DISC1: variants seen among roughly 807,000 people sequenced by gnomAD.
DISC1 encodes disrupted in schizophrenia 1 protein.
DISC1 carries 57 observed loss-of-function variants against 84.5 expected under a neutral mutation model. That is an observed-to-expected ratio of 0.67 (90% CI 0.55 to 0.84). DISC1 has a LOEUF of 0.84. Among genes scored for constraint, DISC1 ranks in the 40% least tolerant of loss-of-function variants. The pLI, the probability that DISC1 is intolerant of heterozygous loss-of-function variation, is 0.00. For synonymous variants in DISC1, 411 were observed against 415.2 expected (o/e 0.99, Z 0.12); for missense variants, 1,000 against 1,057.8 (o/e 0.95, Z 0.76).
chr1:231,807,400 T>C (rs2079823845), intron 8 of DISC1, among the ~76,000 whole-genome samples: 1 of 152,222 alleles, frequency 6.6e-6, no homozygotes, highest in African/African-American at 2.4e-5. Context: ...TACCCCTCAT[T>C]ATTGATCTGG....
At chr1:231,817,682 A>G (rs1038856150) in intron 8 of DISC1, among the ~76,000 whole-genome samples, 8 of 152,100 alleles carry the variant, frequency 5.3e-5, no homozygotes, top group African/African-American at 1.7e-4. Context: ...ATCATCTTCT[A>G]GTTTTTTGTT....
chr1:231,996,132 A>G (rs1354493727), intron 10 of DISC1, among the ~76,000 whole-genome samples: 2 of 152,182 alleles, frequency 1.3e-5, no homozygotes, highest in African/African-American at 2.4e-5. Flanking sequence ...GGCTGCATAA[A>G]TGTCTTCTTT....
chr1:231,847,868 C>T (rs2083574428), intron 9 of DISC1, among the ~76,000 whole-genome samples: 1 of 152,158 alleles, frequency 6.6e-6, no homozygotes, highest in African/African-American at 2.4e-5. Flanking sequence ...ATCTTGTCAC[C>T]AATGTCCCCA....
At chr1:231,883,147 A>T (rs2086415118) in intron 9 of DISC1, among the ~76,000 whole-genome samples, 1 of 152,170 alleles carries the variant, frequency 6.6e-6, no homozygotes, top group Non-Finnish European at 1.5e-5. Flanking sequence ...GCTGAGATTA[A>T]TAAGAGGAAT....
Position 231,990,280 on chromosome 1 carries a change from A to G in DISC1, c.2043-18505A>G, listed in dbSNP as rs1217620077. Among the ~76,000 whole-genome samples, 3 of 152,090 alleles carry G rather than the reference A, an allele frequency of 2.0e-5. No homozygotes were observed. The East Asian group carries it at 5.8e-4, about 29-fold the overall frequency. On this transcript the variant is annotated intron_variant, in intron 10 of 12. Transcript: ENST00000439617. Reference sequence around the variant, plus strand: ...CCTGACACCCTGTTATAGATCAGAGAGTCCTGGCCACCACTAAAGGTCTTG... The same window carrying G: ...CCTGACACCCTGTTATAGATCAGAGGGTCCTGGCCACCACTAAAGGTCTTG...
In DISC1 at chr1:231,762,213, CTCTTCTTTTCTTTTCTTTTCTTTTCTT is replaced by C. The variant is rs2075763233; in HGVS notation, c.1269-4925_1269-4899del. ...TCTTTCTTTTCTTTTCTTTTCTTTT[CTCTTCTTTTCTTTTCTTTTCTTTTCTT>C]TTCTTTTCTTTTCTTTATTTTCTTT... On this transcript the variant is annotated intron_variant, in intron 4 of 12. Coordinates refer to ENST00000439617, the MANE Select transcript of DISC1 (RefSeq NM_018662.3). 3.9e-4 allele frequency among the ~76,000 whole-genome samples: 38 copies of C among 96,476 alleles called. No homozygotes were observed. The East Asian group carries it at 4.0e-3, about 10-fold the overall frequency. The allele number at this position is 96,476 out of a possible 152,430, so 63.3% of individuals were successfully genotyped here. A position where few individuals can be genotyped will look rare whatever the true frequency, so the allele number is the denominator to read the frequency against.
intron 4 of DISC1, 67 bp from the exon 5 acceptor site, chr1:231,767,062 TCTTACTCTTAA>T: frequency 6.3e-7 from 1 of 1,587,074 alleles, no homozygotes; most frequent in South Asian, 1.1e-5. Flanking sequence ...TGCTGGAGTT[TCTTACTCTTAA>T]AATACTTGTC....
chr1:231,950,129 A>G (rs1446925770), intron 9 of DISC1, among the ~76,000 whole-genome samples: 1 of 152,046 alleles, frequency 6.6e-6, no homozygotes, highest in Non-Finnish European at 1.5e-5. Context: ...GTTTAAGAAG[A>G]TAGTATTCCA....
intron 9 of DISC1, among the ~76,000 whole-genome samples, chr1:231,907,331 A>G (rs1363478883): frequency 6.9e-6 from 1 of 143,902 alleles, no homozygotes. Context: ...CCCACCCCAC[A>G]ACAGGCCCCA....
intron 1 of DISC1, among the ~76,000 whole-genome samples, chr1:231,638,780 C>A (rs1052051379): frequency 6.6e-6 from 1 of 151,782 alleles, no homozygotes; most frequent in African/African-American, 2.4e-5. Flanking sequence ...AGTAAAATAC[C>A]CTTTTTAAAA....
chr1:231,872,194 T>A (rs183448291), intron 9 of DISC1, among the ~76,000 whole-genome samples: 42 of 152,366 alleles, frequency 2.8e-4, no homozygotes, highest in African/African-American at 1.0e-3. Context: ...TAGTACTTGA[T>A]CACTTACCCT....
intron 9 of DISC1, among the ~76,000 whole-genome samples, chr1:231,933,280 A>C (rs906316531): frequency 1.3e-5 from 2 of 152,216 alleles, no homozygotes; most frequent in Non-Finnish European, 2.9e-5. Context: ...GCTATGCTAG[A>C]TTAACTTCAG....
chr1:231,790,253 A>G (rs2078229473), intron 6 of DISC1, among the ~76,000 whole-genome samples: 1 of 152,172 alleles, frequency 6.6e-6, no homozygotes, highest in African/African-American at 2.4e-5. Context: ...AATAATACCT[A>G]TAACTCATCA....
chr1:231,691,586 A>G (rs984742065), intron 1 of DISC1, among the ~76,000 whole-genome samples: 4 of 152,264 alleles, frequency 2.6e-5, no homozygotes, highest in African/African-American at 9.6e-5. Flanking sequence ...TGGTATTTAC[A>G]TACAAAAAAT....
intron 8 of DISC1, among the ~76,000 whole-genome samples, chr1:231,811,674 C>G (rs960833699): frequency 6.6e-6 from 1 of 152,166 alleles, no homozygotes; most frequent in African/African-American, 2.4e-5. Flanking sequence ...GAGGATTGGG[C>G]AGGTGAAAGG....
At chr1:231,867,917 C>T (rs1005321530) in intron 9 of DISC1, among the ~76,000 whole-genome samples, 8 of 152,206 alleles carry the variant, frequency 5.3e-5, no homozygotes, top group Non-Finnish European at 7.3e-5. Context: ...CACTTCAAAC[C>T]TGGCTATTCG....
intron 4 of DISC1, among the ~76,000 whole-genome samples, chr1:231,760,623 C>T (rs200529669): frequency 3.9e-5 from 6 of 152,164 alleles, no homozygotes; most frequent in Non-Finnish European, 7.4e-5. Flanking sequence ...AGCAATTTTT[C>T]TGGTACTCTA....
chr1:232,018,715 C>T (rs199640062), intron 11 of DISC1, among the ~76,000 whole-genome samples: 18 of 152,162 alleles, frequency 1.2e-4, no homozygotes, highest in South Asian at 2.1e-4. Flanking sequence ...CTGGCTGAGT[C>T]GGTGCTACTG....
Position 232,009,739 on chromosome 1 carries a change from C to A in DISC1, c.2307+690C>A. 1 of 448,308 alleles carries A rather than the reference C, an allele frequency of 2.2e-6. No individual in the cohort carries two copies. The highest frequency in any genetic ancestry group is 2.9e-6 in the Non-Finnish European group (1 of 339,658). 27.8% of individuals were successfully genotyped at this position (448,308 alleles called of 1,614,324 possible). On this transcript the variant is annotated intron_variant, in intron 11 of 12. Transcript: ENST00000439617. This position sits in a 1 kb window ranked among gnomAD's most constrained non-coding sequence, Gnocchi z 4.6. ...CTCCCACCCTAACAAGAGTCTTTTC[C>A]ATAAAAAGGCCCTAGGAAGTTTTTC...
Sources: allele counts gnomAD v4.1 joint callset (sites outside exome capture counted in the v4.1 genomes callset), GRCh38; gene constraint gnomAD v4.1.1; non-coding constraint Gnocchi (gnomAD v3.1); transcripts MANE v1.5; gene names NCBI Gene and HGNC (gene_info 2026-07-23, HGNC 2026-07-21).